ABTB3: variants seen among roughly 807,000 people sequenced by gnomAD.
ABTB3 encodes the protein ankyrin repeat- and BTB/POZ domain-containing protein 3.
chr12:107,588,070 A>T, the ABTB3 span, among the ~76,000 whole-genome samples: 1 of 152,176 alleles, frequency 6.6e-6, no homozygotes, highest in Non-Finnish European at 1.5e-5. Context: ...TTGTGGCAGC[A>T]TCACTCCAAT....
the ABTB3 span, among the ~76,000 whole-genome samples, chr12:107,546,257 C>T: frequency 6.6e-6 from 1 of 152,284 alleles, no homozygotes; most frequent in East Asian, 1.9e-4. Flanking sequence ...ATGAGCAAAC[C>T]TATTGATCTA....
chr12:107,384,003 C>T, the ABTB3 span, among the ~76,000 whole-genome samples: 1 of 152,158 alleles, frequency 6.6e-6, no homozygotes, highest in South Asian at 2.1e-4. Flanking sequence ...TATCCATCCA[C>T]CCAGTAATGA....
the ABTB3 span, chr12:107,520,573 T>C: frequency 6.8e-6 from 11 of 1,614,164 alleles, no homozygotes; most frequent in African/African-American, 1.3e-5. Context: ...GTTCAGCCAG[T>C]CGGAGCTGAG....
chr12:107,590,993 G>A, the ABTB3 span, among the ~76,000 whole-genome samples: 196 of 152,322 alleles, frequency 1.3e-3, no homozygotes, highest in Non-Finnish European at 2.6e-3. Context: ...CAGGCCAGCA[G>A]TACTTACTAC....
At chr12:107,616,579 C>T in the ABTB3 span, among the ~76,000 whole-genome samples, 1 of 152,234 alleles carries the variant, frequency 6.6e-6, no homozygotes, top group Admixed American at 6.5e-5. Context: ...ATTTGCTAAA[C>T]TGTCCTCAGG....
chr12:107,573,526 G>GA, the ABTB3 span, among the ~76,000 whole-genome samples: 1 of 149,232 alleles, frequency 6.7e-6, no homozygotes, highest in Non-Finnish European at 1.5e-5. Flanking sequence ...GGAACAGATG[G>GA]TGAGTGGACA....
chr12:107,638,138 T>G, the ABTB3 span, among the ~76,000 whole-genome samples: 1 of 152,076 alleles, frequency 6.6e-6, no homozygotes, highest in Non-Finnish European at 1.5e-5. Context: ...CACAGGTGAT[T>G]TTTACCGTTT....
chr12:107,623,618 C>T, the ABTB3 span, among the ~76,000 whole-genome samples: 9 of 152,000 alleles, frequency 5.9e-5, no homozygotes, highest in Non-Finnish European at 1.0e-4. Context: ...CTACTTGCCT[C>T]GACCTCCTAA....
At chr12:107,393,349 GT>G in the ABTB3 span, among the ~76,000 whole-genome samples, 1 of 138,696 alleles carries the variant, frequency 7.2e-6, no homozygotes. Context: ...GGGGGTGGGG[GT>G]GTGCTAGGGA....
the ABTB3 span, chr12:107,318,799 C>A: frequency 2.1e-6 from 2 of 956,948 alleles, no homozygotes; most frequent in Non-Finnish European, 3.0e-6. Flanking sequence ...GCCGAAAGTA[C>A]TAACAGTTGG....
chr12:107,513,686 A>G, the ABTB3 span, among the ~76,000 whole-genome samples: 2 of 152,228 alleles, frequency 1.3e-5, no homozygotes, highest in Admixed American at 1.3e-4. Flanking sequence ...GTTCAATAAA[A>G]AAACATAGAC....
chr12:107,385,517 G>A, the ABTB3 span, among the ~76,000 whole-genome samples: 2 of 152,202 alleles, frequency 1.3e-5, no homozygotes, highest in Non-Finnish European at 2.9e-5. Context: ...ACTTAACTGG[G>A]ATCGTCAGGG....
chr12:107,569,411 A>C, the ABTB3 span, among the ~76,000 whole-genome samples: 1 of 152,196 alleles, frequency 6.6e-6, no homozygotes, highest in African/African-American at 2.4e-5. Flanking sequence ...AACTATGGTA[A>C]GTTCAAAGCC....
the ABTB3 span, among the ~76,000 whole-genome samples, chr12:107,411,805 G>T: frequency 6.6e-6 from 1 of 152,142 alleles, no homozygotes; most frequent in Non-Finnish European, 1.5e-5. Context: ...TACCCTGTGA[G>T]CTCTCCAAAT....
chr12:107,629,893 C>A, the ABTB3 span, among the ~76,000 whole-genome samples: 1 of 152,156 alleles, frequency 6.6e-6, no homozygotes, highest in African/African-American at 2.4e-5. Flanking sequence ...CCCAGCTTAT[C>A]ATCACAGTCT....
the ABTB3 span, among the ~76,000 whole-genome samples, chr12:107,392,444 C>A: frequency 0.44 from 66,983 of 151,966 alleles, 15,156 homozygotes; most frequent in Middle Eastern, 0.53. Context: ...CTGCCTCTCC[C>A]TCCCTGCCTC....
chr12:107,367,800 C>T, the ABTB3 span, among the ~76,000 whole-genome samples: 16 of 152,024 alleles, frequency 1.1e-4, no homozygotes, highest in Admixed American at 2.6e-4. Context: ...CCACCACTCC[C>T]GGCCTCTCTC....
the ABTB3 span, among the ~76,000 whole-genome samples, chr12:107,634,324 TA>T: frequency 7.0e-4 from 106 of 152,326 alleles, no homozygotes; most frequent in Admixed American, 2.0e-3. Context: ...GTAGAAAATA[TA>T]AATAAAAGAA....
the ABTB3 span, among the ~76,000 whole-genome samples, chr12:107,517,449 T>G: frequency 1.3e-5 from 2 of 152,350 alleles, no homozygotes; most frequent in South Asian, 2.1e-4. Context: ...ATCTATAAAT[T>G]ACCTTGGGCA....
Sources: gnomAD v4.1 joint callset for allele counts (sites outside exome capture counted in the v4.1 genomes callset) on GRCh38, gnomAD v4.1.1 for gene constraint, MANE v1.5 for transcripts, NCBI Gene and HGNC (gene_info 2026-07-23, HGNC 2026-07-21) for gene names.